Variants in CYP46A1 observed in about 807,000 individuals in gnomAD.
CYP46A1 encodes cytochrome P450 family 46 subfamily A member 1, also known as cholesterol 24-hydroxylase.
A neutral mutation model predicts 63.3 loss-of-function variants in CYP46A1; 20 were observed. That is an observed-to-expected ratio of 0.32 (90% CI 0.22 to 0.46). The LOEUF (loss-of-function observed/expected upper bound fraction) is 0.46. Among genes scored for constraint, CYP46A1 ranks in the 20% least tolerant of loss-of-function variants. The pLI is 1.00. For missense variants in CYP46A1, 445 were observed against 670.8 expected (o/e 0.66, Z 3.72); for synonymous variants, 268 against 273.6 (o/e 0.98, Z 0.20).
chr14:99,706,494 C>A, intron 5 of CYP46A1, 153 bp from the exon 6 acceptor site: 1 of 925,926 alleles, frequency 1.1e-6, no homozygotes, highest in Non-Finnish European at 1.6e-6. Flanking sequence ...CAACTCCAAC[C>A]TGCAATCTGG....
chr14:99,699,840 C>A (rs1159810863), intron 4 of CYP46A1, among the ~76,000 whole-genome samples, 175 bp from the exon 5 acceptor site: 1 of 152,104 alleles, frequency 6.6e-6, no homozygotes, highest in East Asian at 1.9e-4. Context: ...CACCATTTTC[C>A]CCACCTTAGA....
At chr14:99,720,733 A>G (rs937374094) in intron 10 of CYP46A1, among the ~76,000 whole-genome samples, 12 of 151,996 alleles carry the variant, frequency 7.9e-5, no homozygotes, top group African/African-American at 2.9e-4. Context: ...GGGCCCCTGC[A>G]ACATAGTTCC....
At chr14:99,704,870 T>C (rs1284847989) in intron 5 of CYP46A1, among the ~76,000 whole-genome samples, 2 of 151,824 alleles carry the variant, frequency 1.3e-5, no homozygotes, top group East Asian at 3.9e-4. Context: ...ATTCAGGTAG[T>C]GATGGTTGTG....
chr14:99,696,591 G>A (rs1267639856), intron 3 of CYP46A1, among the ~76,000 whole-genome samples: 1 of 152,042 alleles, frequency 6.6e-6, no homozygotes, highest in Non-Finnish European at 1.5e-5. Context: ...ATCTGCCTTG[G>A]TATACTTTAT....
Position 99,715,729 on chromosome 14 carries a change from C to T in CYP46A1, c.694-81C>T, listed in dbSNP as rs1393201565. 18 of 1,586,930 alleles carry T rather than the reference C, an allele frequency of 1.1e-5. No individual in the cohort carries two copies. In the Admixed American group the frequency reaches 1.4e-4, roughly 12 times the overall value. On this transcript the variant is annotated intron_variant, in intron 7 of 14. Transcript: ENST00000261835. ...CCTCCCAGCTTGCCAGTGCCGCTAA[C>T]GTCATTTCGGGGTGGTGGGGGAGAG...
At position 99,723,601 on chromosome 14, in the gene CYP46A1, G is replaced by A. The variant is rs544538514; in HGVS notation, c.1176+1535G>A. Among the ~76,000 whole-genome samples, 19 of 152,322 alleles carry A rather than the reference G, an allele frequency of 1.2e-4. No individual in the cohort carries two copies. The East Asian group carries it at 1.9e-3, about 15-fold the overall frequency. On this transcript the variant is annotated intron_variant, in intron 12 of 14. Coordinates refer to ENST00000261835, the MANE Select transcript of CYP46A1 (RefSeq NM_006668.2). ...TGGGATTACAGGCGTGAGCCAGCGC[G>A]CCCAGCCCTAGAGCTTTCTTTTAAA...
chr14:99,698,169 CA>C (rs1261253717), intron 3 of CYP46A1, among the ~76,000 whole-genome samples: 1 of 152,060 alleles, frequency 6.6e-6, no homozygotes, highest in Non-Finnish European at 1.5e-5. Flanking sequence ...ATAGTTGAGT[CA>C]TCCTCTTACT....
rs1237643254 is a variant in CYP46A1 at position 99,726,745 on chromosome 14, A to ACGAG, written c.*19_*22dup. On this transcript the variant is annotated 3_prime_UTR_variant, in exon 15 of 15. Transcript: ENST00000261835. ...CCTGCTGAGGGGGCCTCCAGGCAGG[A>ACGAG]CGAGACTCCTCGGGCAAGGGCCGTG... 6.7e-7 allele frequency: 1 copy of ACGAG among 1,498,534 alleles called. No homozygotes were observed. Among genetic ancestry groups the ACGAG allele is most frequent in the Non-Finnish European group, 8.9e-7 (1 of 1,120,624 alleles). The allele number at this position is 1,498,534 out of a possible 1,614,324, so 92.8% of individuals were successfully genotyped here. A position where few individuals can be genotyped will look rare whatever the true frequency, so the allele number is the denominator to read the frequency against.
chr14:99,700,199 G>A, intron 5 of CYP46A1, 98 bp downstream of exon 5: 1 of 842,840 alleles, frequency 1.2e-6, no homozygotes, highest in African/African-American at 1.7e-5. Context: ...GTCCACCCAA[G>A]GGGGCCTCCC....
intron 5 of CYP46A1, chr14:99,706,025 T>C (rs12588744): frequency 0.92 from 140,587 of 152,256 alleles, 65,327 homozygotes; most frequent in South Asian, 0.98. Context: ...AATGGCAGTC[T>C]CCTCCTTCCA....
chr14:99,712,825 G>A (rs1391222003), intron 7 of CYP46A1: 2 of 150,614 alleles, frequency 1.3e-5, no homozygotes, highest in Non-Finnish European at 3.0e-5. Context: ...CCACGAAAGA[G>A]CCAAATAGCC....
chr14:99,686,723 A>G (rs2056497481), intron 1 of CYP46A1, among the ~76,000 whole-genome samples: 1 of 152,150 alleles, frequency 6.6e-6, no homozygotes, highest in African/African-American at 2.4e-5. Flanking sequence ...ATCTTATACC[A>G]CAGAGTCTAC....
At chr14:99,687,512 C>T (rs1481700967) in intron 1 of CYP46A1, among the ~76,000 whole-genome samples, 1 of 152,102 alleles carries the variant, frequency 6.6e-6, no homozygotes, top group Non-Finnish European at 1.5e-5. Flanking sequence ...GCTGAGCACT[C>T]GCCACCCTGC....
At chr14:99,700,373 T>G (rs887246455) in intron 5 of CYP46A1, among the ~76,000 whole-genome samples, 1 of 152,190 alleles carries the variant, frequency 6.6e-6, no homozygotes, top group Non-Finnish European at 1.5e-5. Context: ...TGGGGGTTCC[T>G]GTCCTCCAAG....
chr14:99,685,099 C>CT (rs1161055770), intron 1 of CYP46A1, among the ~76,000 whole-genome samples: 3 of 4,892 alleles, frequency 6.1e-4, no homozygotes, highest in Non-Finnish European at 9.2e-4. Flanking sequence ...CCCCCCCCCA[C>CT]CCCCAGCTTA....
chr14:99,696,268 A>G (rs1566827371), intron 3 of CYP46A1, among the ~76,000 whole-genome samples: 1 of 151,776 alleles, frequency 6.6e-6, no homozygotes, highest in Non-Finnish European at 1.5e-5. Context: ...CTATTGTCTT[A>G]TTGATTGATT....
At position 99,722,848 on chromosome 14, in the gene CYP46A1, C is replaced by A; in HGVS notation, c.1176+782C>A. 2 of 438,302 alleles carry A rather than the reference C, an allele frequency of 4.6e-6. No homozygotes were observed. Among genetic ancestry groups the A allele is most frequent in the Non-Finnish European group, 4.7e-6 (1 of 213,610 alleles). 27.2% of individuals were successfully genotyped at this position (438,302 alleles called of 1,614,324 possible). A position where few individuals can be genotyped will look rare whatever the true frequency, so the allele number is the denominator to read the frequency against. ...GTGTCCAGTTTGTCCCTATCTCGAG[C>A]ACCACAGCAACGATGCCATTTCTGT... is the stretch of plus-strand genomic sequence containing the variant. On this transcript the variant is annotated intron_variant, in intron 12 of 14. Transcript: ENST00000261835. This position sits in a 1 kb window ranked among gnomAD's most constrained non-coding sequence, Gnocchi z 4.6.
chr14:99,700,802 A>C (rs913946189), intron 5 of CYP46A1, among the ~76,000 whole-genome samples: 1 of 152,226 alleles, frequency 6.6e-6, no homozygotes, highest in Non-Finnish European at 1.5e-5. Flanking sequence ...AAAGTTTACT[A>C]TACAACAGCC....
At chr14:99,691,895 C>G in intron 3 of CYP46A1, 34 bp downstream of exon 3, 1 of 1,604,736 alleles carries the variant, frequency 6.2e-7, no homozygotes, top group South Asian at 1.1e-5. Context: ...GAGGGAGTTC[C>G]CTGCCTTTCC....
Sources: gnomAD v4.1 joint callset for allele counts (sites outside exome capture counted in the v4.1 genomes callset) on GRCh38, gnomAD v4.1.1 for gene constraint, Gnocchi (gnomAD v3.1) non-coding constraint, MANE v1.5 for transcripts, NCBI Gene and HGNC (gene_info 2026-07-23, HGNC 2026-07-21) for gene names.